Variants in ARID1B observed in about 807,000 individuals in gnomAD.
ARID1B encodes the protein AT-rich interaction domain 1B, also known as AT-rich interactive domain-containing protein 1B.
In ARID1B, 30 loss-of-function variants were observed where a neutral mutation model predicts 212.3. That is an observed-to-expected ratio of 0.14 (90% CI 0.11 to 0.19). ARID1B has a LOEUF of 0.19. ARID1B is among the 10% of genes least tolerant of loss of function. The pLI, the probability that ARID1B is intolerant of heterozygous loss-of-function variation, is 1.00. For missense variants in ARID1B, 2,891 were observed against 3,204.0 expected, an observed-to-expected ratio of 0.90 and a Z score of 2.36; for synonymous variants, 1,402 against 1,301.7, an observed-to-expected ratio of 1.08 and a Z score of -1.66.
In ARID1B at chr6:156,871,477, C is replaced by T. The variant is rs1786122635; in HGVS notation, c.1987-29899C>T. ...AGGGAGTGGTGGAGAAGGCCTGATACAGATGGGGACCTGAGGTTTTCTTGG... is the reference window on the plus strand; with the variant it reads ...AGGGAGTGGTGGAGAAGGCCTGATATAGATGGGGACCTGAGGTTTTCTTGG... On this transcript the variant is annotated intron_variant, in intron 2 of 19. Coordinates refer to ENST00000636930, the MANE Select transcript of ARID1B (RefSeq NM_001374828.1). 4.1e-5 allele frequency: 29 copies of T among 706,106 alleles called. 1 individual carries two copies. The South Asian group carries it at 4.9e-4, about 12-fold the overall frequency. 43.7% of individuals were successfully genotyped at this position (706,106 alleles called of 1,614,324 possible). A position where few individuals can be genotyped will look rare whatever the true frequency, so the allele number is the denominator to read the frequency against.
At chr6:157,128,311 T>C (rs957802265) in intron 6 of ARID1B, among the ~76,000 whole-genome samples, 1 of 152,186 alleles carries the variant, frequency 6.6e-6, no homozygotes, top group Non-Finnish European at 1.5e-5. Context: ...TGTACCTACC[T>C]CCTAACTGGT....
At chr6:156,904,778 C>T (rs1789230618) in intron 3 of ARID1B, among the ~76,000 whole-genome samples, 1 of 152,212 alleles carries the variant, frequency 6.6e-6, no homozygotes, top group Middle Eastern at 3.2e-3. Context: ...TGTGATGGAT[C>T]ACAGTCAGAA....
At chr6:157,087,548 C>G (rs572229878) in intron 5 of ARID1B, among the ~76,000 whole-genome samples, 1 of 152,146 alleles carries the variant, frequency 6.6e-6, no homozygotes, top group African/African-American at 2.4e-5. Context: ...TTGATTCTTA[C>G]GATGTTACGT....
intron 4 of ARID1B, among the ~76,000 whole-genome samples, chr6:156,977,325 A>G (rs908172971): frequency 5.4e-5 from 8 of 148,694 alleles, no homozygotes; most frequent in Non-Finnish European, 1.0e-4. Context: ...CTAAATATAT[A>G]TATTAGACCT....
intron 2 of ARID1B, among the ~76,000 whole-genome samples, chr6:156,876,188 G>A (rs749411190): frequency 2.6e-5 from 4 of 152,238 alleles, no homozygotes; most frequent in Non-Finnish European, 5.9e-5. Flanking sequence ...ATATTTTGGA[G>A]TAGATAGCAC....
chr6:156,819,886 G>A (rs1782234467), intron 1 of ARID1B, among the ~76,000 whole-genome samples: 1 of 152,164 alleles, frequency 6.6e-6, no homozygotes, highest in African/African-American at 2.4e-5. Flanking sequence ...GAAATGTGTG[G>A]TTTTTCTAGA....
At position 157,206,886 on chromosome 6, in the gene ARID1B, C is replaced by T. The variant is rs2128394829; in HGVS notation, c.6114C>T (p.Asn2038=). 6.2e-7 allele frequency: 1 copy of T among 1,614,178 alleles called. No individual in the cohort carries two copies. Among genetic ancestry groups the T allele is most frequent in the Non-Finnish European group, 8.5e-7 (1 of 1,180,036 alleles). The change falls in exon 20 of 20, where the codon AAC becomes AAT. Residue 2038 remains asparagine, a synonymous_variant. Coordinates refer to ENST00000636930, the MANE Select transcript of ARID1B (RefSeq NM_001374828.1). This position sits in a 1 kb window ranked among gnomAD's most constrained non-coding sequence, Gnocchi z 6.8. The part of the protein sequence containing the change: ...FGIQQAKSHR[N]IKLLEDEPRS... ...TCCAGCAAGCCAAAAGTCACCGGAACATCAAGCTGCTGGAGGACGAGCCCA... is the reference window on the plus strand; with the variant it reads ...TCCAGCAAGCCAAAAGTCACCGGAATATCAAGCTGCTGGAGGACGAGCCCA...
chr6:156,802,308 G>A (rs756670913), intron 1 of ARID1B, among the ~76,000 whole-genome samples: 2 of 152,172 alleles, frequency 1.3e-5, no homozygotes, highest in African/African-American at 2.4e-5. Flanking sequence ...ACATTTTTTA[G>A]TGTCTCTGAA....
In ARID1B at chr6:157,208,075, T is replaced by G; in HGVS notation, c.*184T>G. 1.5e-6 allele frequency: 1 copy of G among 655,358 alleles called. No homozygotes were observed. The highest frequency in any genetic ancestry group is 4.8e-4 in the Middle Eastern group (1 of 2,082). The allele number at this position is 655,358 out of a possible 1,614,324, so 40.6% of individuals were successfully genotyped here. On this transcript the variant is annotated 3_prime_UTR_variant, in exon 20 of 20. Transcript: ENST00000636930. ...AATTTGAACAGTTATGAAATTAATA[T>G]TTGCTGTCTGTGTGTATAAGTACAT...
intron 7 of ARID1B, among the ~76,000 whole-genome samples, chr6:157,134,824 A>G (rs1208984521): frequency 1.3e-5 from 2 of 152,190 alleles, no homozygotes; most frequent in African/African-American, 4.8e-5. Context: ...TTTGCTCCTA[A>G]TGTAATTGGA....
chr6:157,140,531 G>A, intron 7 of ARID1B: 1 of 398,294 alleles, frequency 2.5e-6, no homozygotes, highest in Non-Finnish European at 4.4e-6. Flanking sequence ...TTCATTGTCA[G>A]TTGTCCAACC....
At chr6:156,853,400 T>C (rs891975181) in intron 2 of ARID1B, among the ~76,000 whole-genome samples, 6 of 152,224 alleles carry the variant, frequency 3.9e-5, no homozygotes, top group African/African-American at 1.2e-4. Flanking sequence ...CCCAGTCCTC[T>C]AGGGTGGTCA....
chr6:156,925,761 C>T (rs951037731), intron 3 of ARID1B, among the ~76,000 whole-genome samples: 4 of 152,066 alleles, frequency 2.6e-5, no homozygotes, highest in African/African-American at 9.7e-5. Flanking sequence ...GGGAAACTAT[C>T]GATGTGGACT....
intron 8 of ARID1B, among the ~76,000 whole-genome samples, chr6:157,163,171 A>G (rs1390265019): frequency 1.3e-5 from 2 of 152,146 alleles, no homozygotes; most frequent in Non-Finnish European, 2.9e-5. Flanking sequence ...GTTGGTCAGA[A>G]GGGGCTCAGC....
At chr6:156,937,191 T>C (rs1263660717) in intron 4 of ARID1B, 1 of 152,116 alleles carries the variant, frequency 6.6e-6, no homozygotes, top group Admixed American at 6.6e-5. Context: ...TTGGTAAGCA[T>C]GTAGTGTGTA....
chr6:157,004,890 CTTTTTTCTTT>C (rs1274889247), intron 4 of ARID1B, among the ~76,000 whole-genome samples: 1,297 of 35,514 alleles, frequency 0.037, 111 homozygotes, highest in African/African-American at 0.081. Flanking sequence ...TTTTCTTCTT[CTTTTTTCTTT>C]TTTTTTTTTT....
chr6:156,811,200 T>G lies in ARID1B; in HGVS notation c.1792-18027T>G, dbSNP rs576383052. 2.6e-5 allele frequency among the ~76,000 whole-genome samples: 4 copies of G among 152,260 alleles called. No homozygotes were observed. The East Asian group carries it at 5.8e-4, about 22-fold the overall frequency. ...TATGTCAAGCCCATCCAGGCCACTG[T>G]TTTAACTTAATGTCATGTGATTAAG... On this transcript the variant is annotated intron_variant, in intron 1 of 19. Transcript: ENST00000636930.
At chr6:157,195,244 G>A (rs944794523) in intron 15 of ARID1B, 1 of 152,200 alleles carries the variant, frequency 6.6e-6, no homozygotes, top group Non-Finnish European at 1.5e-5. Flanking sequence ...CAAGGTGTCT[G>A]CCAGCACTGT....
At chr6:157,044,485 TG>T (rs1782093073) in intron 4 of ARID1B, among the ~76,000 whole-genome samples, 1 of 152,104 alleles carries the variant, frequency 6.6e-6, no homozygotes, top group South Asian at 2.1e-4. Context: ...AAAAATACAA[TG>T]GCAACCCATG....
Sources: gnomAD v4.1 joint callset for allele counts (sites outside exome capture counted in the v4.1 genomes callset) on GRCh38, gnomAD v4.1.1 for gene constraint, Gnocchi (gnomAD v3.1) non-coding constraint, MANE v1.5 for transcripts, NCBI Gene and HGNC (gene_info 2026-07-23, HGNC 2026-07-21) for gene names.